Variants in BCKDHA observed in about 807,000 individuals in gnomAD.
BCKDHA encodes 2-oxoisovalerate dehydrogenase subunit alpha, mitochondrial.
In BCKDHA, 43 loss-of-function variants were observed where a neutral mutation model predicts 52.2. That is an observed-to-expected ratio of 0.82 (90% CI 0.64 to 1.06). BCKDHA has a LOEUF of 1.06. Ranked by LOEUF, BCKDHA falls within the 50% of genes least tolerant of loss-of-function variation. The pLI, the probability that BCKDHA is intolerant of heterozygous loss-of-function variation, is 0.00. For missense variants in BCKDHA, 527 were observed against 621.3 expected, an observed-to-expected ratio of 0.85 and a Z score of 1.61; for synonymous variants, 234 against 247.9, an observed-to-expected ratio of 0.94 and a Z score of 0.53.
chr19:41,410,736 C>T lies in BCKDHA; in HGVS notation c.208C>T (p.Pro70Ser), dbSNP rs756747400. 1.9e-6 allele frequency: 3 copies of T among 1,614,156 alleles called. No individual in the cohort carries two copies. The highest frequency in any genetic ancestry group is 2.5e-6 in the Non-Finnish European group (3 of 1,180,022). Residue 70 changes from proline to serine, a missense_variant, in exon 2 of 9, where the codon CCC (proline) becomes TCC (serine). Coordinates refer to ENST00000269980, the MANE Select transcript of BCKDHA (RefSeq NM_000709.4). ...TATAGATAAGTTGGAATTCATCCAG[C>T]CCAACGTCATCTCTGGAATCCCCAT... ...EFIDKLEFIQ[P>S]NVISGIPIYR...
chr19:41,397,848 A>G lies in BCKDHA; in HGVS notation c.21A>G (p.Ala7=), dbSNP rs574890988. ...CCAAGATGGCGGTAGCGATCGCTGC[A>G]GCGAGGGTCTGGCGGCTAAACCGTG... The part of the protein sequence containing the change: MAVAIA[A]ARVWRLNRGL... Residue 7 remains alanine, a synonymous_variant, in exon 1 of 9, where the codon GCA becomes GCG. Coordinates refer to ENST00000269980, the MANE Select transcript of BCKDHA (RefSeq NM_000709.4). The G allele has an allele frequency of 1.2e-6, 2 of 1,614,188 alleles. No individual in the cohort carries two copies. The highest frequency in any genetic ancestry group is 1.1e-5 in the South Asian group (1 of 91,080).
intron 6 of BCKDHA, 76 bp from the exon 7 acceptor site, chr19:41,422,553 C>T (rs2039379145): frequency 1.9e-6 from 3 of 1,605,188 alleles, no homozygotes; most frequent in Non-Finnish European, 2.6e-6. Flanking sequence ...CTGTCCTCTC[C>T]CTGCTCGTCC....
rs1427222071 is a variant in BCKDHA at position 41,406,587 on chromosome 19, T to A, written c.109-4050T>A. ...CCCAGCTAATTTTTTTTTTTTTTTTTAGATAGAGTCTCACTCTTGTCACCC... is the reference window on the plus strand; with the variant it reads ...CCCAGCTAATTTTTTTTTTTTTTTTAAGATAGAGTCTCACTCTTGTCACCC... On this transcript the variant is annotated intron_variant, in intron 1 of 8. Transcript: ENST00000269980. Among the ~76,000 whole-genome samples the A allele has an allele frequency of 5.3e-5, 8 of 151,404 alleles. No homozygotes were observed. In the East Asian group the frequency reaches 1.6e-3, roughly 29 times the overall value.
intron 4 of BCKDHA, among the ~76,000 whole-genome samples, chr19:41,414,987 G>C (rs2039293191): frequency 6.6e-6 from 1 of 152,068 alleles, no homozygotes; most frequent in Admixed American, 6.5e-5. Flanking sequence ...TGGGGCAGTT[G>C]GCAAAGTGCC....
chr19:41,417,946 G>A (rs568037741), intron 4 of BCKDHA, among the ~76,000 whole-genome samples: 1 of 151,792 alleles, frequency 6.6e-6, no homozygotes, highest in South Asian at 2.1e-4. Context: ...AAGAAAATTA[G>A]GTAGATCTAG....
chr19:41,414,257 AAG>A, intron 4 of BCKDHA, 100 bp downstream of exon 4: 1 of 1,163,398 alleles, frequency 8.6e-7, no homozygotes, highest in Admixed American at 2.0e-5. Flanking sequence ...AGGAAGGTCT[AAG>A]GAGCTGGAAG....
intron 3 of BCKDHA, among the ~76,000 whole-genome samples, chr19:41,413,701 C>T (rs1320196852): frequency 6.6e-6 from 1 of 152,202 alleles, no homozygotes; most frequent in Non-Finnish European, 1.5e-5. Context: ...TTTCCCCACC[C>T]CTACCACTGT....
intron 4 of BCKDHA, among the ~76,000 whole-genome samples, chr19:41,418,316 A>G (rs890219555): frequency 6.6e-6 from 1 of 152,144 alleles, no homozygotes; most frequent in Non-Finnish European, 1.5e-5. Context: ...AGGCGGGGCA[A>G]AGAGCTTGTC....
At chr19:41,412,413 G>GTTTTTT (rs1599954229) in intron 3 of BCKDHA, among the ~76,000 whole-genome samples, 4 of 45,830 alleles carry the variant, frequency 8.7e-5, no homozygotes, top group African/African-American at 3.2e-4. Flanking sequence ...TTGAGATGGA[G>GTTTTTT]TTTTGCTCTT....
In BCKDHA at chr19:41,410,807, G is replaced by A. The variant is rs1599953104; in HGVS notation, c.279G>A (p.Glu93=). 6.2e-7 allele frequency: 1 copy of A among 1,614,124 alleles called. No homozygotes were observed. Among genetic ancestry groups the A allele is most frequent in the Non-Finnish European group, 8.5e-7 (1 of 1,180,016 alleles). Residue 93 remains glutamate (E), a synonymous_variant, in exon 2 of 9, where the codon GAG becomes GAA. Coordinates refer to ENST00000269980, the MANE Select transcript of BCKDHA (RefSeq NM_000709.4). ...AAGGCCAGATCATCAACCCCAGCGAGGACCCCCACGTGAGAGGCGGCCTCC... is the reference window on the plus strand; with the variant it reads ...AAGGCCAGATCATCAACCCCAGCGAAGACCCCCACGTGAGAGGCGGCCTCC... The part of the protein sequence containing the change: ...DRQGQIINPS[E]DPHLPKEKVL...
rs1444043897 is a variant in BCKDHA, at chr19:41,422,300, C to T, written c.783C>T (p.Ile261=). The T allele has an allele frequency of 6.2e-7, 1 of 1,614,214 alleles. No homozygotes were observed. Among genetic ancestry groups the T allele is most frequent in the East Asian group, 2.2e-5 (1 of 44,878 alleles). The change falls in exon 6 of 9, where the codon ATC becomes ATT. Residue 261 remains isoleucine (I), a synonymous_variant. Transcript: ENST00000269980. ...CTGCCACACTTGAGTGCCCCATCAT[C>T]TTCTTCTGCCGGAACAATGGCTACG... ...NFAATLECPI[I]FFCRNNGYAI... is the part of the protein sequence containing the mutation.
In BCKDHA at chr19:41,422,524, G is replaced by A. The variant is rs948965419; in HGVS notation, c.854-105G>A. On this transcript the variant is annotated intron_variant, in intron 6 of 8. Coordinates refer to ENST00000269980, the MANE Select transcript of BCKDHA (RefSeq NM_000709.4). ...GGTCAGCCACAGGAGTTGAGGTCCTGAGCACTCAGCCTTGCTCTCTGTCCT... is the reference window on the plus strand; with the variant it reads ...GGTCAGCCACAGGAGTTGAGGTCCTAAGCACTCAGCCTTGCTCTCTGTCCT... 3.8e-6 allele frequency: 6 copies of A among 1,586,258 alleles called. No individual in the cohort carries two copies. The African/African-American group carries it at 5.4e-5, about 14-fold the overall frequency.
chr19:41,398,505 C>G (rs2039101973), intron 1 of BCKDHA, among the ~76,000 whole-genome samples: 1 of 152,110 alleles, frequency 6.6e-6, no homozygotes, highest in Non-Finnish European at 1.5e-5. Flanking sequence ...TTCGTGTGTT[C>G]TGGACACTGT....
intron 1 of BCKDHA, among the ~76,000 whole-genome samples, chr19:41,405,465 G>A (rs1338342749): frequency 4.6e-5 from 7 of 152,034 alleles, no homozygotes; most frequent in South Asian, 4.1e-4. Context: ...TTTTTGTAGG[G>A]ATGGGGTCTT....
At chr19:41,418,670 A>G in intron 4 of BCKDHA, 1 of 434,910 alleles carries the variant, frequency 2.3e-6, no homozygotes, top group Non-Finnish European at 4.5e-6. Context: ...AGCTGGAACC[A>G]CAGGCACACA....
At chr19:41,420,890 C>T (rs578002990) in intron 5 of BCKDHA, among the ~76,000 whole-genome samples, 6 of 152,336 alleles carry the variant, frequency 3.9e-5, no homozygotes, top group South Asian at 2.1e-4. Flanking sequence ...TCCTGTCCTC[C>T]GGGGCCTGTA....
chr19:41,401,086 G>GT (rs2039134178), intron 1 of BCKDHA, among the ~76,000 whole-genome samples: 3 of 140,536 alleles, frequency 2.1e-5, no homozygotes, highest in African/African-American at 2.7e-5. Flanking sequence ...TTTGTTTTTT[G>GT]TTTTTTCGAG....
chr19:41,416,684 C>A (rs1322826577), intron 4 of BCKDHA, among the ~76,000 whole-genome samples: 1 of 152,120 alleles, frequency 6.6e-6, no homozygotes, highest in African/African-American at 2.4e-5. Flanking sequence ...CTTCGGGAGG[C>A]TGAGGCGGGA....
Position 41,423,039 on chromosome 19 carries a change from G to A in BCKDHA, c.1037G>A (p.Arg346His), listed in dbSNP as rs398123486. 6 of 1,606,188 alleles carry A rather than the reference G, an allele frequency of 3.7e-6. No individual in the cohort carries two copies. The highest frequency in any genetic ancestry group is 1.3e-5 in the African/African-American group (1 of 74,768). ...HSTSDDSSAYRSVDEVNYWDK... is the reference protein window; with the variant it reads ...HSTSDDSSAYHSVDEVNYWDK... Reference sequence around the variant, plus strand: ...ACCAGTGACGACAGTTCAGCGTACCGCTCGGTGGATGAGGTCAATTACTGG... The same window carrying A: ...ACCAGTGACGACAGTTCAGCGTACCACTCGGTGGATGAGGTCAATTACTGG... Residue 346 changes from arginine to histidine, a missense_variant, in exon 8 of 9, where the codon CGC (arginine) becomes CAC (histidine). Coordinates refer to ENST00000269980, the MANE Select transcript of BCKDHA (RefSeq NM_000709.4).
Sources: gnomAD v4.1 joint callset for allele counts (sites outside exome capture counted in the v4.1 genomes callset) on GRCh38, gnomAD v4.1.1 for gene constraint, MANE v1.5 for transcripts, NCBI Gene and HGNC (gene_info 2026-07-23, HGNC 2026-07-21) for gene names.